The following SNX29 variants were observed in gnomAD, a reference collection of about 807,000 sequenced individuals.
SNX29 encodes the protein sorting nexin-29.
A neutral mutation model predicts 102.1 loss-of-function variants in SNX29; 78 were observed. The observed-to-expected ratio is 0.76, with a 90% confidence interval of 0.64 to 0.92. The LOEUF is 0.92. Among genes scored for constraint, SNX29 ranks in the 40% least tolerant of loss-of-function variants. SNX29 has a pLI of 0.00. For synonymous variants in SNX29, 580 were observed against 414.5 expected, an observed-to-expected ratio of 1.40 and a Z score of -4.85; for missense variants, 1,280 against 1,061.7, an observed-to-expected ratio of 1.21 and a Z score of -2.86.
chr16:12,520,330 A>AGCCT (rs2090050486), intron 19 of SNX29, among the ~76,000 whole-genome samples: 1 of 152,226 alleles, frequency 6.6e-6, no homozygotes, highest in African/African-American at 2.4e-5. Flanking sequence ...GCTTTGGGGA[A>AGCCT]GCCTGGTGTA....
At chr16:12,259,506 G>A (rs149871024) in intron 14 of SNX29, among the ~76,000 whole-genome samples, 12 of 152,274 alleles carry the variant, frequency 7.9e-5, no homozygotes, top group African/African-American at 1.4e-4. Context: ...CTGGCTCCCC[G>A]CAGCTTTTAT....
At chr16:12,284,132 A>G (rs2079520050) in intron 15 of SNX29, among the ~76,000 whole-genome samples, 1 of 152,204 alleles carries the variant, frequency 6.6e-6, no homozygotes, top group Non-Finnish European at 1.5e-5. Context: ...TGTCTTCACA[A>G]CAATGTGAAG....
intron 19 of SNX29, among the ~76,000 whole-genome samples, chr16:12,485,536 G>A (rs1390440344): frequency 2.0e-5 from 3 of 152,110 alleles, no homozygotes; most frequent in African/African-American, 4.8e-5. Flanking sequence ...ACTGGTACTC[G>A]CCGAGCCGTG....
chr16:12,059,529 T>G (rs745782186), intron 8 of SNX29, among the ~76,000 whole-genome samples: 1 of 152,186 alleles, frequency 6.6e-6, no homozygotes, highest in African/African-American at 2.4e-5. Flanking sequence ...TCTGCTAGGA[T>G]TATTTCCTCC....
intron 11 of SNX29, among the ~76,000 whole-genome samples, chr16:12,104,575 C>CAA (rs150676036): frequency 7.0e-6 from 1 of 141,992 alleles, no homozygotes; most frequent in Non-Finnish European, 1.6e-5. Context: ...AACAAATAAA[C>CAA]AAAAAAAAAA....
At chr16:12,400,503 A>T (rs2083897705) in intron 17 of SNX29, among the ~76,000 whole-genome samples, 2 of 152,156 alleles carry the variant, frequency 1.3e-5, no homozygotes, top group South Asian at 4.1e-4. Flanking sequence ...ACAAATGCTT[A>T]TTCCCCTGCC....
intron 14 of SNX29, among the ~76,000 whole-genome samples, chr16:12,221,534 A>T (rs2142115584): frequency 6.6e-6 from 1 of 152,338 alleles, no homozygotes; most frequent in African/African-American, 2.4e-5. Context: ...GAATCACTTG[A>T]ACCCGGGAGG....
chr16:12,140,716 C>T (rs1340861842), intron 13 of SNX29, among the ~76,000 whole-genome samples: 1 of 152,040 alleles, frequency 6.6e-6, no homozygotes, highest in African/African-American at 2.4e-5. Flanking sequence ...AAGCGGTAGC[C>T]CGAAGGTCTC....
chr16:11,995,996 G>T (rs1242493096), intron 1 of SNX29, among the ~76,000 whole-genome samples: 5 of 151,208 alleles, frequency 3.3e-5, no homozygotes, highest in Non-Finnish European at 4.4e-5. Flanking sequence ...GGAGGTGGAG[G>T]TTGCAGGGAG....
chr16:12,173,198 A>G (rs1303411329), intron 13 of SNX29, among the ~76,000 whole-genome samples: 5 of 152,234 alleles, frequency 3.3e-5, no homozygotes, highest in Non-Finnish European at 2.9e-5. Flanking sequence ...AATTGCAGCC[A>G]GTTTCAGTAG....
intron 19 of SNX29, among the ~76,000 whole-genome samples, chr16:12,499,127 G>A (rs568299116): frequency 1.3e-5 from 2 of 152,154 alleles, no homozygotes; most frequent in Non-Finnish European, 2.9e-5. Flanking sequence ...GGAAATCGCA[G>A]TAGAAGGCAC....
In SNX29 at chr16:12,048,394, G is replaced by T; in HGVS notation, c.522G>T (p.Ala174=). 1.2e-6 allele frequency: 2 copies of T among 1,613,724 alleles called. No homozygotes were observed. Among genetic ancestry groups the T allele is most frequent in the Non-Finnish European group, 1.7e-6 (2 of 1,179,834 alleles). ...CAGGTCTGAACTCCATACTCTTTGC[G>T]ATTAACATCGACAACAAGGATTTGA... ...MAAGLNSILF[A]INIDNKDLNG... Residue 174 remains alanine (A), a synonymous_variant, in exon 7 of 21, where the codon GCG becomes GCT. Transcript: ENST00000566228.
chr16:12,547,118 TGACATCACA>T (rs1249328683), intron 20 of SNX29, among the ~76,000 whole-genome samples: 20 of 152,206 alleles, frequency 1.3e-4, no homozygotes, highest in African/African-American at 3.6e-4. Flanking sequence ...AGACAGGAAA[TGACATCACA>T]GTCATCACAG....
intron 16 of SNX29, among the ~76,000 whole-genome samples, chr16:12,377,108 T>C (rs1390843619): frequency 6.6e-6 from 1 of 152,178 alleles, no homozygotes; most frequent in Non-Finnish European, 1.5e-5. Flanking sequence ...TTCTGTGTTC[T>C]CCAGGCCTAT....
At chr16:12,233,138 C>T (rs986973139) in intron 14 of SNX29, among the ~76,000 whole-genome samples, 1 of 152,154 alleles carries the variant, frequency 6.6e-6, no homozygotes, top group African/African-American at 2.4e-5. Flanking sequence ...TCCCCCTATT[C>T]TTCCTCCTCC....
intron 15 of SNX29, among the ~76,000 whole-genome samples, chr16:12,323,146 C>T (rs976266898): frequency 1.5e-5 from 2 of 133,880 alleles, no homozygotes. Flanking sequence ...CTGGGGACCA[C>T]TGTCAGGATG....
intron 19 of SNX29, among the ~76,000 whole-genome samples, chr16:12,500,471 C>T (rs1037258844): frequency 2.0e-5 from 3 of 152,192 alleles, no homozygotes; most frequent in African/African-American, 4.8e-5. Flanking sequence ...GTAACCTCCA[C>T]GGGCTCCTTT....
At chr16:12,541,728 G>C (rs137883461) in intron 20 of SNX29, among the ~76,000 whole-genome samples, 1 of 152,036 alleles carries the variant, frequency 6.6e-6, no homozygotes, top group Non-Finnish European at 1.5e-5. Context: ...GTCACCTCCT[G>C]TCTTTTCCGT....
rs1426141844 is a variant in SNX29 at position 12,356,187 on chromosome 16, A to G, written c.1807A>G (p.Ile603Val). The G allele has an allele frequency of 1.2e-6, 2 of 1,613,094 alleles. No homozygotes were observed. Among genetic ancestry groups the G allele is most frequent in the Non-Finnish European group, 8.5e-7 (1 of 1,179,702 alleles). ...GGTGGCAGAGATGCATGGCGAGCTG[A>G]TTGAGTTCAACGAGCGCCTGCACAG... is the stretch of plus-strand genomic sequence containing the variant. Reference protein sequence around the residue: ...IEVAEMHGELIEFNERLHRAL... With the variant: ...IEVAEMHGELVEFNERLHRAL... Residue 603 changes from isoleucine (I) to valine (V), a missense_variant, in exon 16 of 21, where the codon ATT (isoleucine) becomes GTT (valine). Transcript: ENST00000566228.
Sources: gnomAD v4.1 joint callset for allele counts (sites outside exome capture counted in the v4.1 genomes callset) on GRCh38, gnomAD v4.1.1 for gene constraint, MANE v1.5 for transcripts, NCBI Gene and HGNC (gene_info 2026-07-23, HGNC 2026-07-21) for gene names.